The following MAP3K20 variants were observed in gnomAD, a reference collection of about 807,000 sequenced individuals.
The protein encoded by MAP3K20 is mitogen-activated protein kinase kinase kinase 20, also known as HCCS-4.
Under a neutral mutation model 85.7 loss-of-function variants are expected in MAP3K20, and 40 were observed. The ratio of observed to expected loss-of-function variants is 0.47; its 90% CI spans 0.36 to 0.61. The LOEUF (loss-of-function observed/expected upper bound fraction) is 0.61, where lower values mean the gene tolerates loss of function less well. Ranked by LOEUF, MAP3K20 falls within the 20% of genes least tolerant of loss-of-function variation. MAP3K20 has a pLI of 0.00. For synonymous variants in MAP3K20, 325 were observed against 327.7 expected, an observed-to-expected ratio of 0.99 and a Z score of 0.09; for missense variants, 817 against 961.7, an observed-to-expected ratio of 0.85 and a Z score of 1.99.
intron 2 of MAP3K20, among the ~76,000 whole-genome samples, chr2:173,146,007 A>G (rs148279864): frequency 2.2e-3 from 341 of 152,298 alleles, no homozygotes; most frequent in Non-Finnish European, 3.6e-3. Context: ...GAAGTTCAAT[A>G]AAAGGCAAAA....
chr2:173,255,779 C>G (rs1156962730), intron 16 of MAP3K20, among the ~76,000 whole-genome samples: 1 of 152,210 alleles, frequency 6.6e-6, no homozygotes, highest in Non-Finnish European at 1.5e-5. Flanking sequence ...CCAAACTTGA[C>G]AGGCAAAAGA....
chr2:173,217,128 G>A lies in MAP3K20; in HGVS notation c.865G>A (p.Ala289Thr). The change falls in exon 11 of 20, where the codon GCA becomes ACA. Residue 289 changes from alanine (A) to threonine (T), a missense_variant. Coordinates refer to ENST00000375213, the MANE Select transcript of MAP3K20 (RefSeq NM_016653.3). Reference sequence around the variant, plus strand: ...ATCCCCGTGCAGGTGCGAAATTGAGGCAACTCTTGAGAGGCTAAAGAAACT... The same window carrying A: ...ATCCCCGTGCAGGTGCGAAATTGAGACAACTCTTGAGAGGCTAAAGAAACT... ...NKAEWRCEIE[A>T]TLERLKKLER... is the part of the protein sequence containing the mutation. 6.4e-7 allele frequency: 1 copy of A among 1,565,588 alleles called. No individual in the cohort carries two copies. The highest frequency in any genetic ancestry group is 8.7e-7 in the Non-Finnish European group (1 of 1,155,370).
intron 3 of MAP3K20, among the ~76,000 whole-genome samples, chr2:173,171,784 G>A (rs1360545222): frequency 6.6e-6 from 1 of 152,172 alleles, no homozygotes; most frequent in African/African-American, 2.4e-5. Context: ...GAGCCAGTAA[G>A]TAAGCAACTG....
chr2:173,174,148 GTAA>G (rs1367736072), intron 3 of MAP3K20, among the ~76,000 whole-genome samples: 8 of 152,110 alleles, frequency 5.3e-5, no homozygotes, highest in Admixed American at 5.2e-4. Flanking sequence ...TGAAATAAAG[GTAA>G]TAATATTGCC....
chr2:173,174,017 T>A (rs1690083021), intron 3 of MAP3K20, among the ~76,000 whole-genome samples: 1 of 152,164 alleles, frequency 6.6e-6, no homozygotes, highest in East Asian at 1.9e-4. Flanking sequence ...TAACTATATG[T>A]GTATATAGTG....
chr2:173,150,804 C>T (rs1405811805), intron 2 of MAP3K20, among the ~76,000 whole-genome samples: 1 of 152,128 alleles, frequency 6.6e-6, no homozygotes, highest in Non-Finnish European at 1.5e-5. Flanking sequence ...CCTTGTGATC[C>T]GCCCGCCTTG....
At chr2:173,235,832 T>G (rs905052519) in intron 14 of MAP3K20, among the ~76,000 whole-genome samples, 1 of 152,212 alleles carries the variant, frequency 6.6e-6, no homozygotes, top group Non-Finnish European at 1.5e-5. Context: ...GGAAGCTTTC[T>G]GTCTTTGGCA....
chr2:173,164,341 C>T (rs938565508), intron 2 of MAP3K20, among the ~76,000 whole-genome samples: 3 of 152,000 alleles, frequency 2.0e-5, no homozygotes, highest in Non-Finnish European at 4.4e-5. Context: ...GCTTGTTGGC[C>T]GCATGTATGT....
chr2:173,172,736 G>A (rs1185407221), intron 3 of MAP3K20, among the ~76,000 whole-genome samples: 1 of 151,988 alleles, frequency 6.6e-6, no homozygotes, highest in Non-Finnish European at 1.5e-5. Context: ...AAGAAATGGG[G>A]TGACAAGAAA....
chr2:173,091,521 A>G (rs2106148289), intron 2 of MAP3K20, among the ~76,000 whole-genome samples: 1 of 152,326 alleles, frequency 6.6e-6, no homozygotes, highest in Non-Finnish European at 1.5e-5. Flanking sequence ...CTGGGCAGCC[A>G]AGAGGGGTCG....
At chr2:173,170,007 G>A (rs2106250496) in intron 3 of MAP3K20, 115 bp downstream of exon 3, 2 of 923,884 alleles carry the variant, frequency 2.2e-6, no homozygotes, top group Non-Finnish European at 1.7e-6. Flanking sequence ...ACTGTCAGAT[G>A]TCACTTTTGT....
intron 16 of MAP3K20, among the ~76,000 whole-genome samples, chr2:173,248,946 T>A (rs1200172208): frequency 1.3e-5 from 2 of 152,200 alleles, no homozygotes; most frequent in Non-Finnish European, 2.9e-5. Context: ...ATAATAAGTG[T>A]CTTTAACTCA....
rs1001332969 is a variant in MAP3K20 at position 173,267,981 on chromosome 2, T to A, written c.*1231T>A. The A allele has an allele frequency of 1.3e-5, 2 of 152,358 alleles. No individual in the cohort carries two copies. The highest frequency in any genetic ancestry group is 4.8e-5 in the African/African-American group (2 of 41,580). The allele number at this position is 152,358 out of a possible 1,614,324, so 9.4% of individuals were successfully genotyped here. On this transcript the variant is annotated 3_prime_UTR_variant, in exon 20 of 20. Transcript: ENST00000375213. ...GTCAGGTAGCAACAAACTTATTGTA[T>A]GTCAAATCAATAAATGTTACTTTCA...
chr2:173,197,026 G>A (rs544253110), intron 7 of MAP3K20, among the ~76,000 whole-genome samples: 1 of 152,110 alleles, frequency 6.6e-6, no homozygotes, highest in African/African-American at 2.4e-5. Context: ...CAGTAGGATT[G>A]CTATTAATCA....
At chr2:173,259,806 A>C (rs1372704839) in intron 17 of MAP3K20, among the ~76,000 whole-genome samples, 19 of 152,276 alleles carry the variant, frequency 1.2e-4, no homozygotes, top group Non-Finnish European at 4.4e-5. Flanking sequence ...ACTTGGTTTT[A>C]CCTTTTTCTT....
intron 2 of MAP3K20, among the ~76,000 whole-genome samples, chr2:173,126,052 T>A (rs572373723): frequency 5.9e-5 from 9 of 152,318 alleles, no homozygotes; most frequent in African/African-American, 1.9e-4. Flanking sequence ...ATTATACCAC[T>A]AGAATGATTA....
intron 10 of MAP3K20, chr2:173,215,824 ACT>A (rs952237809): frequency 3.3e-5 from 5 of 152,144 alleles, no homozygotes; most frequent in Admixed American, 3.3e-4. Flanking sequence ...CTGTTCACTT[ACT>A]CTTATTCTCC....
intron 14 of MAP3K20, among the ~76,000 whole-genome samples, chr2:173,235,272 G>C (rs1212129870): frequency 6.6e-6 from 1 of 152,220 alleles, no homozygotes; most frequent in African/African-American, 2.4e-5. Flanking sequence ...CGTCCAGATA[G>C]GGTGTGCAGA....
At chr2:173,257,436 G>T (rs186857617) in intron 16 of MAP3K20, among the ~76,000 whole-genome samples, 1 of 152,042 alleles carries the variant, frequency 6.6e-6, no homozygotes, top group African/African-American at 2.4e-5. Flanking sequence ...CTTTTTTTCT[G>T]TGTGGTTCTT....
Sources: gnomAD v4.1 joint callset for allele counts (sites outside exome capture counted in the v4.1 genomes callset) on GRCh38, gnomAD v4.1.1 for gene constraint, MANE v1.5 for transcripts, NCBI Gene and HGNC (gene_info 2026-07-23, HGNC 2026-07-21) for gene names.